The following RPH3A variants were observed in gnomAD, a reference collection of about 807,000 sequenced individuals.
The protein encoded by RPH3A is rabphilin 3A, also known as rabphilin-3A.
Under a neutral mutation model 102.2 loss-of-function variants are expected in RPH3A, and 48 were observed. The observed-to-expected ratio is 0.47, with a 90% CI of 0.37 to 0.60. The LOEUF is 0.60. Among genes scored for constraint, RPH3A ranks in the 20% least tolerant of loss-of-function variants. The probability of loss-of-function intolerance (pLI) is 0.00; values close to 1 mark genes in which losing one functional copy is unlikely to be tolerated. For synonymous variants in RPH3A, 310 were observed against 324.3 expected, an observed-to-expected ratio of 0.96 and a Z score of 0.47; for missense variants, 781 against 910.1, an observed-to-expected ratio of 0.86 and a Z score of 1.83.
In RPH3A at chr12:112,595,815, C is replaced by T. The variant is rs76760672; in HGVS notation, c.-140+20496C>T. ...CAATTTTGGGTAGAGTATTGATTTC[C>T]GTCCTCCCTGGGGGCAACCACACGA... is the stretch of plus-strand genomic sequence containing the variant. On this transcript the variant is annotated intron_variant, in intron 1 of 21. Coordinates refer to the RPH3A transcript ENST00000543106. Among the ~76,000 whole-genome samples, 958 of 152,256 alleles carry T rather than the reference C, an allele frequency of 6.3e-3. 16 individuals carry two copies. The highest frequency in any genetic ancestry group is 0.022 in the African/African-American group (934 of 41,532).
intron 5 of RPH3A, among the ~76,000 whole-genome samples, chr12:112,860,678 A>T (rs1163338516): frequency 1.3e-5 from 2 of 152,208 alleles, no homozygotes. Flanking sequence ...GGCTGTGGGG[A>T]TTCGTGGAAA....
intron 1 of RPH3A, among the ~76,000 whole-genome samples, chr12:112,692,684 A>T (rs938944753): frequency 6.6e-6 from 1 of 152,212 alleles, no homozygotes; most frequent in Admixed American, 6.5e-5. Flanking sequence ...ATGCTGGATG[A>T]ATCTGCATTG....
At chr12:112,675,157 C>A (rs2040165386) in intron 1 of RPH3A, among the ~76,000 whole-genome samples, 1 of 152,200 alleles carries the variant, frequency 6.6e-6, no homozygotes, top group Non-Finnish European at 1.5e-5. Flanking sequence ...GAACTTGCTG[C>A]TTCCCTGCTA....
chr12:112,868,285 A>G (rs1256138554), intron 7 of RPH3A, 145 bp from the exon 8 acceptor site: 2 of 768,890 alleles, frequency 2.6e-6, no homozygotes, highest in African/African-American at 1.7e-5. Context: ...TGAATTGTGC[A>G]GGGCTCTGTA....
At chr12:112,729,473 G>A (rs1220990986) in intron 1 of RPH3A, among the ~76,000 whole-genome samples, 8 of 152,036 alleles carry the variant, frequency 5.3e-5, no homozygotes, top group Non-Finnish European at 1.2e-4. Flanking sequence ...GGCATGAGCC[G>A]CTGCACTCGG....
At chr12:112,856,993 C>T (rs1228574511) in intron 5 of RPH3A, among the ~76,000 whole-genome samples, 1 of 152,070 alleles carries the variant, frequency 6.6e-6, no homozygotes, top group Non-Finnish European at 1.5e-5. Flanking sequence ...GCACCCCAAC[C>T]CCTGCGTCAT....
rs1225677838 is a variant in RPH3A at position 112,678,319 on chromosome 12, A to AGAGAGAGAGAGAG, written c.-140+103000_-140+103001insGAGAGAGAGAGAG. On this transcript the variant is annotated intron_variant, in intron 1 of 21. Transcript: ENST00000543106. ...AAAGAAAGAAAGAGAGAGAGAGAGA[A>AGAGAGAGAGAGAG]AGAAAGAAAGAAGGAAGGAAGGAAG... Among the ~76,000 whole-genome samples, 34 of 68,612 alleles carry AGAGAGAGAGAGAG rather than the reference A, an allele frequency of 5.0e-4. 2 individuals carry two copies. The highest frequency in any genetic ancestry group is 3.1e-3 in the South Asian group (8 of 2,608). 45.0% of individuals were successfully genotyped at this position (68,612 alleles called of 152,430 possible).
At chr12:112,887,186 G>T (rs540501260) in intron 16 of RPH3A, among the ~76,000 whole-genome samples, 10 of 152,254 alleles carry the variant, frequency 6.6e-5, no homozygotes, top group African/African-American at 2.2e-4. Flanking sequence ...ATGTATATCC[G>T]AAAGACATGA....
At chr12:112,741,799 A>G (rs1165072593) in intron 1 of RPH3A, among the ~76,000 whole-genome samples, 1 of 152,188 alleles carries the variant, frequency 6.6e-6, no homozygotes, top group Non-Finnish European at 1.5e-5. Flanking sequence ...CTTTTGCCTG[A>G]GTCACTACAT....
chr12:112,709,378 T>C (rs2040444884), intron 1 of RPH3A, among the ~76,000 whole-genome samples: 1 of 152,012 alleles, frequency 6.6e-6, no homozygotes, highest in Non-Finnish European at 1.5e-5. Context: ...AGTGAGACCC[T>C]GTCTCTATAA....
chr12:112,861,645 G>C (rs901250250), intron 5 of RPH3A, among the ~76,000 whole-genome samples: 1 of 152,194 alleles, frequency 6.6e-6, no homozygotes, highest in Non-Finnish European at 1.5e-5. Flanking sequence ...TAATCTTTCT[G>C]TGTCTCAGTT....
rs984266773 is a variant in RPH3A, at chr12:112,896,843, C to T, written c.*63C>T. 6.5e-5 allele frequency: 104 copies of T among 1,590,368 alleles called. 2 individuals are homozygous for T. The South Asian group carries it at 6.7e-4, about 10-fold the overall frequency. ...CCCCCAGCCTGCTCTAGCTGCCCAC[C>T]GCACCCTGATCTCTCTTCTCTATGC... On this transcript the variant is annotated 3_prime_UTR_variant, in exon 22 of 22. Transcript: ENST00000389385.
chr12:112,841,700 T>G (rs543162252), intron 4 of RPH3A, among the ~76,000 whole-genome samples: 1 of 116,006 alleles, frequency 8.6e-6, no homozygotes, highest in South Asian at 2.7e-4. Context: ...TTTTTTTTGT[T>G]TTTTTGGTTT....
chr12:112,648,905 A>C (rs2039954178), intron 1 of RPH3A, among the ~76,000 whole-genome samples: 1 of 152,084 alleles, frequency 6.6e-6, no homozygotes, highest in Non-Finnish European at 1.5e-5. Context: ...CTGCACCTCC[A>C]TCTCCCGGGT....
At chr12:112,624,322 T>G (rs1719741396) in intron 1 of RPH3A, among the ~76,000 whole-genome samples, 1 of 150,460 alleles carries the variant, frequency 6.6e-6, no homozygotes, top group African/African-American at 2.5e-5. Context: ...GCAAGACTAA[T>G]AAAGAAAAAA....
chr12:112,694,378 TC>T (rs1293528470), intron 1 of RPH3A, among the ~76,000 whole-genome samples: 17 of 152,110 alleles, frequency 1.1e-4, no homozygotes, highest in Non-Finnish European at 2.5e-4. Context: ...TTAGTGATTA[TC>T]CGGCAAGTGC....
rs561488860 is a variant in RPH3A at position 112,813,883 on chromosome 12, G to A, written c.-18-14418G>A. ...GCCTGGGCTGTTGCTCACTGCCCTT[G>A]ATGGGAGATAGTATGTTGAAATGTG... is the stretch of plus-strand genomic sequence containing the variant. On this transcript the variant is annotated intron_variant, in intron 2 of 21. Coordinates refer to ENST00000389385, the MANE Select transcript of RPH3A (RefSeq NM_001143854.2). Among the ~76,000 whole-genome samples, 8 of 152,244 alleles carry A rather than the reference G, an allele frequency of 5.3e-5. No individual in the cohort carries two copies. The South Asian group carries it at 1.7e-3, about 32-fold the overall frequency.
At chr12:112,605,770 T>C (rs1249860741) in intron 1 of RPH3A, among the ~76,000 whole-genome samples, 1 of 152,248 alleles carries the variant, frequency 6.6e-6, no homozygotes, top group Non-Finnish European at 1.5e-5. Context: ...GGAAACCTAG[T>C]AACTACTAGC....
chr12:112,603,672 A>G (rs1193456522), intron 1 of RPH3A, among the ~76,000 whole-genome samples: 1 of 152,244 alleles, frequency 6.6e-6, no homozygotes, highest in Non-Finnish European at 1.5e-5. Flanking sequence ...ATATCGGGTT[A>G]ACAGGACATT....
Sources: gnomAD v4.1 joint callset for allele counts (sites outside exome capture counted in the v4.1 genomes callset) on GRCh38, gnomAD v4.1.1 for gene constraint, MANE v1.5 for transcripts, NCBI Gene and HGNC (gene_info 2026-07-23, HGNC 2026-07-21) for gene names.